Variants in NLRX1 observed in about 807,000 individuals in gnomAD.
NLRX1 encodes the protein NLR family member X1, also known as NOD-like receptor X1.
NLRX1 carries 67 observed loss-of-function variants against 74.2 expected under a neutral mutation model. That is an observed-to-expected ratio of 0.90 (90% confidence interval 0.74 to 1.11). The LOEUF is 1.11. Ranked by LOEUF, NLRX1 falls within the 50% of genes least tolerant of loss-of-function variation. The probability of loss-of-function intolerance (pLI) is 0.00; values close to 1 mark genes in which losing one functional copy is unlikely to be tolerated. For synonymous variants in NLRX1, 506 were observed against 559.1 expected (o/e 0.91, Z 1.34); for missense variants, 1,191 against 1,305.4 (o/e 0.91, Z 1.35).
rs768308577 is a variant in NLRX1 at position 119,175,135 on chromosome 11, G to T, written c.1532G>T (p.Arg511Leu). The T allele has an allele frequency of 3.1e-6, 5 of 1,614,168 alleles. No homozygotes were observed. The highest frequency in any genetic ancestry group is 4.2e-6 in the Non-Finnish European group (5 of 1,180,032). Residue 511 changes from arginine to leucine, a missense_variant, in exon 6 of 10, where the codon CGC (arginine) becomes CTC (leucine). Arg to Leu is a moderately radical substitution (Grantham distance 102). Coordinates refer to ENST00000409109, the MANE Select transcript of NLRX1 (RefSeq NM_001282144.2). Reference protein sequence around the residue: ...LAALYIVLGLRKTTLQKVGKE... With the variant: ...LAALYIVLGLLKTTLQKVGKE... ...GCCCTCTACATTGTGCTGGGTTTGC[G>T]CAAGACGACCCTGCAAAAGGTGGGC...
At chr11:119,174,198 C>T (rs757608377) in intron 5 of NLRX1, 100 bp downstream of exon 5, 937 of 1,426,628 alleles carry the variant, frequency 6.6e-4, no homozygotes, top group Non-Finnish European at 8.0e-4. Flanking sequence ...CCCAGTGGTG[C>T]GACCCTGAGC....
chr11:119,182,715 C>T (rs1343452459), intron 9 of NLRX1, among the ~76,000 whole-genome samples: 1 of 151,928 alleles, frequency 6.6e-6, no homozygotes, highest in Admixed American at 6.6e-5. Context: ...GGTGAAACCC[C>T]GTTTCTACTA....
chr11:119,182,049 T>A, intron 8 of NLRX1, 45 bp from the exon 9 acceptor site: 1 of 1,597,926 alleles, frequency 6.3e-7, no homozygotes, highest in Non-Finnish European at 8.6e-7. Flanking sequence ...TGCCTCCCCC[T>A]CCTCTCAATG....
At chr11:119,175,371 C>G in intron 6 of NLRX1, 97 bp downstream of exon 6, 1 of 1,023,318 alleles carries the variant, frequency 9.8e-7, no homozygotes, top group Middle Eastern at 2.2e-4. Context: ...TCACCCCTTG[C>G]TCCTCTCCCA....
chr11:119,179,683 T>C lies in NLRX1; in HGVS notation c.1672-10T>C, dbSNP rs372810171. On this transcript the variant is annotated splice_polypyrimidine_tract_variant and intron_variant, in intron 6 of 9. Coordinates refer to ENST00000409109, the MANE Select transcript of NLRX1 (RefSeq NM_001282144.2). ...AAGGCCACAGTGACTCTCCCCTGCT[T>C]CTTTTTCAGGTGGTTCCACGAGTGT... 5 of 1,498,202 alleles carry C rather than the reference T, an allele frequency of 3.3e-6. No individual in the cohort carries two copies. Among genetic ancestry groups the C allele is most frequent in the Non-Finnish European group, 3.6e-6 (4 of 1,117,622 alleles). The allele number at this position is 1,498,202 out of a possible 1,614,324, so 92.8% of individuals were successfully genotyped here.
intron 2 of NLRX1, 44 bp from the exon 3 acceptor site, chr11:119,172,312 A>G: frequency 6.9e-7 from 1 of 1,453,100 alleles, no homozygotes; most frequent in Non-Finnish European, 9.7e-7. Flanking sequence ...GGTTCTGTGT[A>G]TTGCATGGGA....
intron 6 of NLRX1, among the ~76,000 whole-genome samples, chr11:119,177,202 C>G (rs961096737): frequency 1.3e-5 from 2 of 152,048 alleles, no homozygotes; most frequent in Admixed American, 6.5e-5. Context: ...CCAGCTCAGC[C>G]TCCCAAGTAG....
chr11:119,173,641 C>T lies in NLRX1; in HGVS notation c.392C>T (p.Ala131Val), dbSNP rs1274965774. The T allele has an allele frequency of 6.2e-7, 1 of 1,614,116 alleles. No homozygotes were observed. Among genetic ancestry groups the T allele is most frequent in the Non-Finnish European group, 8.5e-7 (1 of 1,180,038 alleles). ...CTACTTCGCCCACCCGCGGAGCTGG[C>T]CCTGGAGCATCAGCCACCCCAGGCC... ...DELLRPPAELALEHQPPQAGL... is the reference protein window; with the variant it reads ...DELLRPPAELVLEHQPPQAGL... The change falls in exon 5 of 10, where the codon GCC becomes GTC. Residue 131 changes from alanine to valine, a missense_variant. Coordinates refer to ENST00000409109, the MANE Select transcript of NLRX1 (RefSeq NM_001282144.2). This position sits in a 1 kb window ranked among gnomAD's most constrained non-coding sequence, Gnocchi z 4.0.
intron 6 of NLRX1, 33 bp from the exon 7 acceptor site, chr11:119,179,660 G>GGCCGAACAGGCACATGGAAT: frequency 6.4e-7 from 1 of 1,554,202 alleles, no homozygotes; most frequent in South Asian, 1.2e-5. Flanking sequence ...GCACATGGAA[G>GGCCGAACAGGCACATGGAAT]GCCACAGTGA....
rs959864065 is a variant in NLRX1 at position 119,173,327 on chromosome 11, A to G, written c.230-152A>G. 23 of 859,026 alleles carry G rather than the reference A, an allele frequency of 2.7e-5. No homozygotes were observed. The highest frequency in any genetic ancestry group is 2.2e-4 in the African/African-American group (13 of 59,088). 53.2% of individuals were successfully genotyped at this position (859,026 alleles called of 1,614,324 possible). A position where few individuals can be genotyped will look rare whatever the true frequency, so the allele number is the denominator to read the frequency against. ...GGGTTCCAGACTTTCTGGACAGTCT[A>G]TATTTTCTCAGGGAGTCTTGTGTGC... is the stretch of plus-strand genomic sequence containing the variant. On this transcript the variant is annotated intron_variant, in intron 4 of 9. Coordinates refer to ENST00000409109, the MANE Select transcript of NLRX1 (RefSeq NM_001282144.2). The surrounding 1 kb of genome is among the most constrained non-coding windows in gnomAD (Gnocchi z 4.0).
chr11:119,180,111 C>T lies in NLRX1; in HGVS notation c.2090C>T (p.Ser697Phe), dbSNP rs570899137. 1 of 1,613,538 alleles carries T rather than the reference C, an allele frequency of 6.2e-7. No homozygotes were observed. The highest frequency in any genetic ancestry group is 1.1e-5 in the South Asian group (1 of 91,090). ...CGCTTCTCCGCTGAGGTGCTCAGCT[C>T]CCTGCGTCAGCTCAACCTGGCAGGT... ...NQRFSAEVLS[S>F]LRQLNLAGVR... The change falls in exon 7 of 10, where the codon TCC (serine) becomes TTC (phenylalanine). Residue 697 changes from serine to phenylalanine, a missense_variant. Ser to Phe is a radical substitution (Grantham distance 155, BLOSUM62 -2). Coordinates refer to ENST00000409109, the MANE Select transcript of NLRX1 (RefSeq NM_001282144.2).
Position 119,174,516 on chromosome 11 carries a change from C to T in NLRX1, c.913C>T (p.Arg305Cys), listed in dbSNP as rs149154497. ...IGRIPSKYVG[R>C]YGEICGFSDT... ...CCGTATCCCCAGCAAGTACGTGGGCCGCTATGGTGAGATCTGCGGTTTCTC... is the reference window on the plus strand; with the variant it reads ...CCGTATCCCCAGCAAGTACGTGGGCTGCTATGGTGAGATCTGCGGTTTCTC... Residue 305 changes from arginine to cysteine, a missense_variant, in exon 6 of 10, where the codon CGC becomes TGC. Coordinates refer to ENST00000409109, the MANE Select transcript of NLRX1 (RefSeq NM_001282144.2). 31 of 1,614,088 alleles carry T rather than the reference C, an allele frequency of 1.9e-5. No homozygotes were observed. The highest frequency in any genetic ancestry group is 9.9e-5 in the South Asian group (9 of 91,094).
chr11:119,177,634 A>C (rs1295501509), intron 6 of NLRX1: 1 of 151,054 alleles, frequency 6.6e-6, no homozygotes, highest in Non-Finnish European at 1.5e-5. Context: ...TCTCACAAAA[A>C]AAAAAAAAGA....
Position 119,183,307 on chromosome 11 carries a change from C to T in NLRX1, c.2796C>T (p.His932=), listed in dbSNP as rs759127796. 41 of 1,614,216 alleles carry T rather than the reference C, an allele frequency of 2.5e-5. No individual in the cohort carries two copies. The highest frequency in any genetic ancestry group is 3.1e-5 in the Non-Finnish European group (36 of 1,180,052). The change falls in exon 10 of 10, where the codon CAC becomes CAT. Residue 932 remains histidine, a synonymous_variant. Coordinates refer to ENST00000409109, the MANE Select transcript of NLRX1 (RefSeq NM_001282144.2). The surrounding 1 kb of genome is among the most constrained non-coding windows in gnomAD (Gnocchi z 5.7). ...NSWDRARVQR[H]LELLLRDLED... Reference sequence around the variant, plus strand: ...GGGATCGGGCCCGGGTTCAGCGACACCTTGAGCTCCTACTGCGGGATCTGG... The same window carrying T: ...GGGATCGGGCCCGGGTTCAGCGACATCTTGAGCTCCTACTGCGGGATCTGG...
chr11:119,170,190 G>A (rs1227187028), intron 1 of NLRX1, among the ~76,000 whole-genome samples: 14 of 151,992 alleles, frequency 9.2e-5, no homozygotes, highest in Non-Finnish European at 2.1e-4. Context: ...CCCAGTGTTT[G>A]GACTCTATAA....
Position 119,182,335 on chromosome 11 carries a change from G to A in NLRX1, c.2596G>A (p.Glu866Lys). ...AGCTGCCCGGGAGCACCCTTCCCTG[G>A]AACTGCTACAGTGAGTCCTGTCCCT... is the stretch of plus-strand genomic sequence containing the variant. ...ARAAREHPSLELLHLYFNELS... is the reference protein window; with the variant it reads ...ARAAREHPSLKLLHLYFNELS... The change falls in exon 9 of 10, where the codon GAA (glutamate) becomes AAA (lysine). Residue 866 changes from glutamate to lysine, a missense_variant. Transcript: ENST00000409109. 2 of 1,612,288 alleles carry A rather than the reference G, an allele frequency of 1.2e-6. No individual in the cohort carries two copies. The highest frequency in any genetic ancestry group is 1.1e-5 in the South Asian group (1 of 91,002).
Position 119,183,302 on chromosome 11 carries a change from C to T in NLRX1, c.2791C>T (p.Arg931Ter), listed in dbSNP as rs777428663. 60 of 1,614,090 alleles carry T rather than the reference C, an allele frequency of 3.7e-5. No homozygotes were observed. The highest frequency in any genetic ancestry group is 6.7e-5 in the African/African-American group (5 of 74,920). The part of the protein sequence containing the change: ...LNSWDRARVQ[R>*]HLELLLRDLE... ...TAGCTGGGATCGGGCCCGGGTTCAGCGACACCTTGAGCTCCTACTGCGGGA... is the reference window on the plus strand; with the variant it reads ...TAGCTGGGATCGGGCCCGGGTTCAGTGACACCTTGAGCTCCTACTGCGGGA... The change falls in exon 10 of 10, where the codon CGA (arginine) becomes TGA (stop). Residue 931 changes from arginine to a stop codon, truncating the protein, a stop_gained. Transcript: ENST00000409109. LOFTEE classifies it high-confidence loss of function. This position sits in a 1 kb window ranked among gnomAD's most constrained non-coding sequence, Gnocchi z 5.7.
In NLRX1 at chr11:119,174,772, C is replaced by G. The variant is rs371685437; in HGVS notation, c.1169C>G (p.Ala390Gly). The change falls in exon 6 of 10, where the codon GCT becomes GGT. Residue 390 changes from alanine (A) to glycine (G), a missense_variant. Physicochemically the swap from Ala to Gly is moderately conservative, Grantham distance 60. Coordinates refer to ENST00000409109, the MANE Select transcript of NLRX1 (RefSeq NM_001282144.2). The part of the protein sequence containing the change: ...TLHFLHAPTP[A>G]GQTLTSIYTS... ...CACTTCCTGCATGCCCCCACGCCTGCTGGGCAGACCCTTACAAGCATCTAT... is the reference window on the plus strand; with the variant it reads ...CACTTCCTGCATGCCCCCACGCCTGGTGGGCAGACCCTTACAAGCATCTAT... The G allele has an allele frequency of 3.5e-5, 56 of 1,613,748 alleles. No homozygotes were observed. Among genetic ancestry groups the G allele is most frequent in the Non-Finnish European group, 2.5e-5 (30 of 1,180,054 alleles).
rs752862025 is a variant in NLRX1, at chr11:119,173,677, C to G, written c.428C>G (p.Pro143Arg). Residue 143 changes from proline (P) to arginine (R), a missense_variant, in exon 5 of 10, where the codon CCA (proline) becomes CGA (arginine). Transcript: ENST00000409109. This position sits in a 1 kb window ranked among gnomAD's most constrained non-coding sequence, Gnocchi z 4.0. ...EHQPPQAGLPPLALSQLFNPD... is the reference protein window; with the variant it reads ...EHQPPQAGLPRLALSQLFNPD... Reference sequence around the variant, plus strand: ...CAGCCACCCCAGGCCGGGCTCCCCCCACTGGCCTTGTCTCAGCTCTTTAAC... The same window carrying G: ...CAGCCACCCCAGGCCGGGCTCCCCCGACTGGCCTTGTCTCAGCTCTTTAAC... The G allele has an allele frequency of 9.9e-6, 16 of 1,614,000 alleles. No homozygotes were observed. The highest frequency in any genetic ancestry group is 6.7e-5 in the African/African-American group (5 of 74,944).
Sources: allele counts gnomAD v4.1 joint callset (sites outside exome capture counted in the v4.1 genomes callset), GRCh38; gene constraint gnomAD v4.1.1; non-coding constraint Gnocchi (gnomAD v3.1); transcripts MANE v1.5; gene names NCBI Gene and HGNC (gene_info 2026-07-23, HGNC 2026-07-21).